Variants in NREP observed in about 807,000 individuals in gnomAD.
The protein encoded by NREP is neuronal regeneration-related protein.
In NREP, 5 loss-of-function variants were observed where a neutral mutation model predicts 8.6. The ratio of observed to expected loss-of-function variants is 0.58; its 90% CI spans 0.30 to 1.22. NREP has a LOEUF of 1.22. NREP is among the 50% of genes most tolerant of loss of function. The pLI is 0.07. For synonymous variants in NREP, 27 were observed against 28.0 expected (o/e 0.96, Z 0.11); for missense variants, 86 against 82.5 (o/e 1.04, Z -0.17).
upstream of NREP, among the ~76,000 whole-genome samples, chr5:111,759,552 C>A (rs1297930149): frequency 1.3e-5 from 2 of 151,870 alleles, no homozygotes; most frequent in South Asian, 2.1e-4. Context: ...CCTCTCTTGG[C>A]CAATTTTTCT....
At chr5:111,757,760 G>C (rs1378152535), upstream of NREP, 26 of 982,004 alleles carry the variant, frequency 2.6e-5, no homozygotes, top group Non-Finnish European at 3.0e-5. Context: ...GCAAATCCCC[G>C]GCCTTCCTCC....
chr5:111,789,943 A>T (rs1415497464), intron 2 of NREP, among the ~76,000 whole-genome samples: 2 of 152,182 alleles, frequency 1.3e-5, no homozygotes, highest in Non-Finnish European at 2.9e-5. Flanking sequence ...AATAAAATAA[A>T]TTTATGTAGA....
At chr5:111,884,519 C>A (rs1356352130) in intron 2 of NREP, among the ~76,000 whole-genome samples, 1 of 152,004 alleles carries the variant, frequency 6.6e-6, no homozygotes, top group Non-Finnish European at 1.5e-5. Context: ...GAGACACAAC[C>A]AAAGAAGAGA....
intron 2 of NREP, among the ~76,000 whole-genome samples, chr5:111,797,055 G>A (rs568152553): frequency 1.4e-5 from 2 of 144,828 alleles, no homozygotes; most frequent in Non-Finnish European, 3.0e-5. Context: ...CAAGCGCAGT[G>A]TCTACTAAGA....
intron 2 of NREP, among the ~76,000 whole-genome samples, chr5:111,889,475 A>G (rs568321799): frequency 6.6e-6 from 1 of 152,302 alleles, no homozygotes; most frequent in East Asian, 1.9e-4. Flanking sequence ...ACAAATATCC[A>G]AACTACATCA....
At chr5:111,792,785 C>G (rs962284024) in intron 2 of NREP, among the ~76,000 whole-genome samples, 44 of 152,254 alleles carry the variant, frequency 2.9e-4, no homozygotes, top group African/African-American at 1.0e-3. Flanking sequence ...AATGAACAAA[C>G]AAAATTTATT....
upstream of NREP, chr5:111,757,688 C>T: frequency 5.1e-6 from 5 of 984,090 alleles, no homozygotes; most frequent in Non-Finnish European, 6.0e-6. Flanking sequence ...GCGCGGCGCC[C>T]CGGGGAGACA....
chr5:111,801,432 T>C (rs1183125748), intron 2 of NREP, among the ~76,000 whole-genome samples: 1 of 152,226 alleles, frequency 6.6e-6, no homozygotes, highest in Non-Finnish European at 1.5e-5. Context: ...TCTTTACTTG[T>C]GTTCATTATC....
At chr5:111,740,990 C>G (rs1749601058) in intron 2 of NREP, among the ~76,000 whole-genome samples, 1 of 152,186 alleles carries the variant, frequency 6.6e-6, no homozygotes, top group Non-Finnish European at 1.5e-5. Flanking sequence ...CACATAAATA[C>G]TGCTTACTTC....
chr5:111,963,186 G>A (rs553042157), intron 2 of NREP, among the ~76,000 whole-genome samples: 9 of 152,362 alleles, frequency 5.9e-5, no homozygotes, highest in South Asian at 2.1e-4. Flanking sequence ...GCTGAGCAAC[G>A]CCATGGGGCC....
chr5:111,735,281 T>C, intron 3 of NREP, 149 bp downstream of exon 3: 1 of 515,192 alleles, frequency 1.9e-6, no homozygotes, highest in Non-Finnish European at 3.5e-6. Context: ...TTTTTAAAAG[T>C]ACATTATTTC....
At chr5:111,800,397 C>T (rs1047654696) in intron 2 of NREP, among the ~76,000 whole-genome samples, 12 of 152,246 alleles carry the variant, frequency 7.9e-5, no homozygotes, top group Admixed American at 2.6e-4. Flanking sequence ...GCTTCATGGG[C>T]ATGCCACTTG....
intron 2 of NREP, among the ~76,000 whole-genome samples, chr5:111,817,079 T>C (rs1752400734): frequency 6.6e-6 from 1 of 152,178 alleles, no homozygotes; most frequent in South Asian, 2.1e-4. Flanking sequence ...ACTTTCATTT[T>C]CTAAGTGCTT....
rs549873546 is a variant in NREP at position 111,748,567 on chromosome 5, G to A, written c.3+7203C>T. Among the ~76,000 whole-genome samples, 3 of 152,216 alleles carry A rather than the reference G, an allele frequency of 2.0e-5. No homozygotes were observed. The South Asian group carries it at 6.2e-4, about 32-fold the overall frequency. The stretch of plus-strand genomic sequence containing the variant: ...ACAGATTAGACTGGTTCATGGTGTG[G>A]GATCTATTCCAAGGTCTCATTAGGA... On this transcript the variant is annotated intron_variant, in intron 2 of 3. Transcript: ENST00000257435.
chr5:111,943,869 T>C (rs536354463), intron 2 of NREP, among the ~76,000 whole-genome samples: 2 of 152,262 alleles, frequency 1.3e-5, no homozygotes, highest in South Asian at 4.1e-4. Flanking sequence ...CTGCATATAC[T>C]CTGTTCAGCA....
chr5:111,927,204 C>G (rs1755412629), intron 2 of NREP, among the ~76,000 whole-genome samples: 2 of 152,078 alleles, frequency 1.3e-5, no homozygotes, highest in Non-Finnish European at 2.9e-5. Context: ...CCACTGAGGC[C>G]TGACTAGCTA....
intron 2 of NREP, among the ~76,000 whole-genome samples, chr5:111,941,751 G>A (rs1165245550): frequency 6.6e-6 from 1 of 152,040 alleles, no homozygotes; most frequent in Non-Finnish European, 1.5e-5. Context: ...CAATGTTTCT[G>A]GACCAGAGCA....
At chr5:111,854,473 T>C (rs1392271930) in intron 2 of NREP, among the ~76,000 whole-genome samples, 2 of 152,158 alleles carry the variant, frequency 1.3e-5, no homozygotes, top group Admixed American at 6.6e-5. Context: ...TGAGTAGTCT[T>C]TGTGAAGCTG....
intron 2 of NREP, among the ~76,000 whole-genome samples, chr5:111,741,075 T>C (rs537644620): frequency 1.3e-5 from 2 of 152,316 alleles, no homozygotes; most frequent in African/African-American, 4.8e-5. Context: ...ACCATAACTG[T>C]AATGTTATTC....
Sources: gnomAD v4.1 joint callset for allele counts (sites outside exome capture counted in the v4.1 genomes callset) on GRCh38, gnomAD v4.1.1 for gene constraint, MANE v1.5 for transcripts, NCBI Gene and HGNC (gene_info 2026-07-23, HGNC 2026-07-21) for gene names.